The following BBS1 variants were observed in gnomAD, a reference collection of about 807,000 sequenced individuals.
BBS1 encodes BBSome complex member BBS1.
Under a neutral mutation model 73.9 loss-of-function variants are expected in BBS1, and 60 were observed. The observed-to-expected ratio is 0.81, with a 90% CI of 0.66 to 1.01. BBS1 has a LOEUF of 1.01. Among genes scored for constraint, BBS1 ranks in the 50% least tolerant of loss-of-function variants. BBS1 has a pLI of 0.00. For synonymous variants in BBS1, 283 were observed against 317.4 expected (o/e 0.89, Z 1.15); for missense variants, 718 against 770.3 (o/e 0.93, Z 0.80).
intron 9 of BBS1, chr11:66,523,057 T>C: frequency 2.3e-6 from 1 of 427,908 alleles, no homozygotes; most frequent in East Asian, 6.9e-5. Context: ...AACTAAAAAC[T>C]GCATTGACAC....
At chr11:66,525,965 G>A (rs1488566013) in intron 11 of BBS1, among the ~76,000 whole-genome samples, 158 bp from the exon 12 acceptor site, 2 of 152,176 alleles carry the variant, frequency 1.3e-5, no homozygotes, top group East Asian at 1.9e-4. Flanking sequence ...AGATTGGAGG[G>A]GAGATGAGAA....
chr11:66,526,249 G>C (rs1360909562), intron 12 of BBS1, 57 bp downstream of exon 12: 1 of 1,528,950 alleles, frequency 6.5e-7, no homozygotes. Context: ...GGACAGGCCT[G>C]CTTCTGGGGA....
At chr11:66,510,852 T>G (rs1855925194) in intron 1 of BBS1, 146 bp downstream of exon 1, 1 of 1,372,284 alleles carries the variant, frequency 7.3e-7, no homozygotes, top group African/African-American at 1.4e-5. Context: ...AAGATGTGCA[T>G]ATGTGTGTCT....
chr11:66,526,131 G>T lies in BBS1; in HGVS notation c.1119G>T (p.Val373=). Residue 373 remains valine (V), a synonymous_variant, in exon 12 of 17, where the codon GTG becomes GTT. Transcript: ENST00000318312. Reference sequence around the variant, plus strand: ...CTGACGTCTCCACATAGGATGCAGTGACCAGCCTTTGCTTTGGCCGGTACG... The same window carrying T: ...CTGACGTCTCCACATAGGATGCAGTTACCAGCCTTTGCTTTGGCCGGTACG... ...LLNVIHTPDA[V]TSLCFGRYGR... The T allele has an allele frequency of 6.2e-7, 1 of 1,614,178 alleles. No homozygotes were observed. Among genetic ancestry groups the T allele is most frequent in the South Asian group, 1.1e-5 (1 of 91,058 alleles).
intron 3 of BBS1, 63 bp from the exon 4 acceptor site, chr11:66,514,340 CAAG>C: frequency 6.3e-7 from 1 of 1,591,464 alleles, no homozygotes; most frequent in East Asian, 2.2e-5. Context: ...AGCAATAAGG[CAAG>C]AAGAGGGTCA....
At chr11:66,521,075 C>A in intron 8 of BBS1, 195 bp from the exon 9 acceptor site, 1 of 630,582 alleles carries the variant, frequency 1.6e-6, no homozygotes. Flanking sequence ...ATCGTTTAGT[C>A]AAAAGGCACA....
At chr11:66,522,088 G>A (rs1590763899) in intron 9 of BBS1, among the ~76,000 whole-genome samples, 2 of 146,710 alleles carry the variant, frequency 1.4e-5, no homozygotes, top group East Asian at 4.3e-4. Context: ...ATGGTGGTGG[G>A]CGCCTGTAGT....
Position 66,531,804 on chromosome 11 carries a change from G to A in BBS1, c.1695+62G>A, listed in dbSNP as rs1255198040. Reference sequence around the variant, plus strand: ...GGACCCTGGGGAGGACAGTAAGGGTGAGTGCCAACAAAGACCTTAGGGGGC... The same window carrying A: ...GGACCCTGGGGAGGACAGTAAGGGTAAGTGCCAACAAAGACCTTAGGGGGC... On this transcript the variant is annotated intron_variant, in intron 16 of 16. Coordinates refer to ENST00000318312, the MANE Select transcript of BBS1 (RefSeq NM_024649.5). 3.1e-6 allele frequency: 5 copies of A among 1,613,462 alleles called. No homozygotes were observed. The Admixed American group carries it at 8.3e-5, about 27-fold the overall frequency.
intron 6 of BBS1, 55 bp from the exon 7 acceptor site, chr11:66,515,806 A>G (rs1856037710): frequency 6.2e-7 from 1 of 1,614,028 alleles, no homozygotes; most frequent in African/African-American, 1.3e-5. Flanking sequence ...TGCCAGAATG[A>G]TGGAGGAGGG....
rs1403570818 is a variant in BBS1 at position 66,510,987 on chromosome 11, C to A, written c.48-26C>A. 4 of 1,613,646 alleles carry A rather than the reference C, an allele frequency of 2.5e-6. No homozygotes were observed. The Admixed American group carries it at 5.0e-5, about 20-fold the overall frequency. ...TTTTCCCCTCCCATGGGACTCACTC[C>A]CCAACTGTCTTTCCCCCACTTCCAG... On this transcript the variant is annotated intron_variant, in intron 1 of 16. Coordinates refer to ENST00000318312, the MANE Select transcript of BBS1 (RefSeq NM_024649.5).
At chr11:66,530,314 A>G (rs1218269747) in intron 14 of BBS1, among the ~76,000 whole-genome samples, 4 of 152,094 alleles carry the variant, frequency 2.6e-5, no homozygotes, top group Non-Finnish European at 4.4e-5. Flanking sequence ...GGGCAGCCCA[A>G]CGTGTTAGGA....
chr11:66,524,929 G>A (rs1045946638), intron 11 of BBS1, among the ~76,000 whole-genome samples: 4 of 151,824 alleles, frequency 2.6e-5, no homozygotes, highest in Non-Finnish European at 5.9e-5. Context: ...GGCCGGGCAC[G>A]GTGGCTCACG....
chr11:66,526,336 C>A, intron 12 of BBS1, 144 bp downstream of exon 12: 3 of 883,424 alleles, frequency 3.4e-6, no homozygotes, highest in Non-Finnish European at 5.3e-6. Flanking sequence ...CCTTCTGGAG[C>A]TAGGCCTCCA....
rs1401974639 is a variant in BBS1, at chr11:66,510,724, C to T, written c.47+18C>T. 7 of 1,614,016 alleles carry T rather than the reference C, an allele frequency of 4.3e-6. No individual in the cohort carries two copies. Among genetic ancestry groups the T allele is most frequent in the Non-Finnish European group, 5.9e-6 (7 of 1,179,932 alleles). ...GCTGAGAGGTGAAGGCAGGGCTCCT[C>T]AAGGCCTCTTTTCCCACCCGTGTAA... On this transcript the variant is annotated intron_variant, in intron 1 of 16. Coordinates refer to ENST00000318312, the MANE Select transcript of BBS1 (RefSeq NM_024649.5).
intron 13 of BBS1, among the ~76,000 whole-genome samples, chr11:66,527,382 T>G (rs1856562561): frequency 1.3e-5 from 2 of 150,828 alleles, no homozygotes; most frequent in Admixed American, 6.6e-5. Context: ...GAATAGTCCC[T>G]ACCTTGGGCC....
Position 66,511,187 on chromosome 11 carries a change from G to A in BBS1, c.125-18G>A. The A allele has an allele frequency of 6.2e-7, 1 of 1,614,090 alleles. No homozygotes were observed. Among genetic ancestry groups the A allele is most frequent in the Non-Finnish European group, 8.5e-7 (1 of 1,180,036 alleles). Reference sequence around the variant, plus strand: ...TCTGGGATTCTGAGACTCTGGTTTTGGCCCTTTTGTTTTCCAGCGCTGGCA... The same window carrying A: ...TCTGGGATTCTGAGACTCTGGTTTTAGCCCTTTTGTTTTCCAGCGCTGGCA... On this transcript the variant is annotated intron_variant, in intron 2 of 16. Transcript: ENST00000318312.
intron 4 of BBS1, 90 bp from the exon 5 acceptor site, chr11:66,515,450 A>G (rs1160388620): frequency 2.1e-6 from 3 of 1,402,318 alleles, no homozygotes; most frequent in South Asian, 2.3e-5. Flanking sequence ...ACCAAGAGGT[A>G]CCCCTAGAAG....
At chr11:66,516,066 A>T in intron 7 of BBS1, 133 bp downstream of exon 7, 1 of 794,758 alleles carries the variant, frequency 1.3e-6, no homozygotes, top group Non-Finnish European at 2.1e-6. Flanking sequence ...CAGCCATGCC[A>T]TGTGTGTGTA....
intron 11 of BBS1, among the ~76,000 whole-genome samples, chr11:66,525,295 G>T (rs181485022): frequency 4.0e-5 from 6 of 151,018 alleles, no homozygotes; most frequent in African/African-American, 1.5e-4. Context: ...GGAGGCAAAG[G>T]TTGCAGTGAA....
Sources: gnomAD v4.1 joint callset for allele counts (sites outside exome capture counted in the v4.1 genomes callset) on GRCh38, gnomAD v4.1.1 for gene constraint, MANE v1.5 for transcripts, NCBI Gene and HGNC (gene_info 2026-07-23, HGNC 2026-07-21) for gene names.